The following CLIP1 variants were observed in gnomAD, a reference collection of about 807,000 sequenced individuals.
CLIP1 encodes CAP-Gly domain-containing linker protein 1.
In CLIP1, 66 loss-of-function variants were observed where a neutral mutation model predicts 161.6. The ratio of observed to expected loss-of-function variants is 0.41; its 90% CI spans 0.33 to 0.50. The LOEUF is 0.50. Among genes scored for constraint, CLIP1 ranks in the 20% least tolerant of loss-of-function variants. The probability of loss-of-function intolerance (pLI) is 0.27; values close to 1 mark genes in which losing one functional copy is unlikely to be tolerated. For synonymous variants in CLIP1, 598 were observed against 626.2 expected, an observed-to-expected ratio of 0.96 and a Z score of 0.67; for missense variants, 1,376 against 1,702.0, an observed-to-expected ratio of 0.81 and a Z score of 3.37.
intron 2 of CLIP1, among the ~76,000 whole-genome samples, chr12:122,379,066 A>C (rs1182120911): frequency 6.6e-5 from 10 of 152,052 alleles, no homozygotes; most frequent in Admixed American, 6.6e-4. Flanking sequence ...CAGAGGTTGC[A>C]GTGAGCCGAA....
Position 122,272,852 on chromosome 12 carries a change from C to G in CLIP1, c.*23G>C. The stretch of plus-strand genomic sequence containing the variant: ...TCAATGCGAGTGCGTCTGAGCAAGC[C>G]CAGTTCTCCACTGGAGGCTTCATCA... On this transcript the variant is annotated 3_prime_UTR_variant, in exon 26 of 26. Coordinates refer to ENST00000620786, the MANE Select transcript of CLIP1 (RefSeq NM_001247997.2). 6.2e-7 allele frequency: 1 copy of G among 1,608,290 alleles called. No individual in the cohort carries two copies. Among genetic ancestry groups the G allele is most frequent in the South Asian group, 1.1e-5 (1 of 90,920 alleles).
intron 5 of CLIP1, among the ~76,000 whole-genome samples, chr12:122,360,251 C>T (rs1389104539): frequency 2.0e-5 from 3 of 152,056 alleles, no homozygotes; most frequent in Non-Finnish European, 4.4e-5. Context: ...TCTCAAAACA[C>T]TTCACTTCCT....
chr12:122,345,211 A>G (rs1002258943), intron 10 of CLIP1, among the ~76,000 whole-genome samples: 18 of 147,738 alleles, frequency 1.2e-4, no homozygotes, highest in African/African-American at 4.0e-4. Flanking sequence ...GTCTTGCTCT[A>G]TTGCCCAGGC....
chr12:122,411,497 TTCA>T (rs1385445553), intron 1 of CLIP1, among the ~76,000 whole-genome samples: 2 of 152,172 alleles, frequency 1.3e-5, no homozygotes, highest in East Asian at 3.9e-4. Flanking sequence ...AATCCAAAGG[TTCA>T]TCAAGTGATG....
chr12:122,278,746 G>A (rs1247139386), intron 23 of CLIP1, 46 bp downstream of exon 23: 3 of 1,516,164 alleles, frequency 2.0e-6, no homozygotes, highest in Non-Finnish European at 2.6e-6. Context: ...GGGCTCCTCG[G>A]GAGGACGCGG....
chr12:122,412,650 G>A (rs541676535), intron 1 of CLIP1, among the ~76,000 whole-genome samples: 9 of 151,618 alleles, frequency 5.9e-5, no homozygotes, highest in Non-Finnish European at 1.2e-4. Flanking sequence ...GCGAGACTCC[G>A]TCTCTAAAAA....
Position 122,377,255 on chromosome 12 carries a change from G to A in CLIP1, c.657+134C>T, listed in dbSNP as rs375650450. On this transcript the variant is annotated intron_variant, in intron 3 of 25. Coordinates refer to ENST00000620786, the MANE Select transcript of CLIP1 (RefSeq NM_001247997.2). ...GAACTCCTGACCTCGTGATCCACCC[G>A]CCTCAGCCTCCCAAAGTGCTGGGAT... The A allele has an allele frequency of 1.1e-5, 8 of 738,350 alleles. No individual in the cohort carries two copies. The East Asian group carries it at 1.6e-4, about 15-fold the overall frequency. The allele number at this position is 738,350 out of a possible 1,614,324, so 45.7% of individuals were successfully genotyped here.
At chr12:122,282,663 TTG>T (rs10553034) in intron 21 of CLIP1, among the ~76,000 whole-genome samples, 19,455 of 151,930 alleles carry the variant, frequency 0.13, 3,681 homozygotes, top group African/African-American at 0.42. Flanking sequence ...ATGTGTGTGT[TTG>T]TGTGTGTATA....
intron 1 of CLIP1, among the ~76,000 whole-genome samples, chr12:122,421,410 ACAAAT>A (rs1336827947): frequency 2.0e-5 from 3 of 152,090 alleles, no homozygotes; most frequent in African/African-American, 7.2e-5. Context: ...CAGTAGTGAC[ACAAAT>A]CAAATAATAA....
intron 20 of CLIP1, among the ~76,000 whole-genome samples, chr12:122,308,684 G>A (rs774638538): frequency 2.0e-4 from 30 of 152,184 alleles, no homozygotes; most frequent in Non-Finnish European, 3.7e-4. Context: ...CAAGGACTGC[G>A]ATGACAGCTA....
At position 122,355,174 on chromosome 12, in the gene CLIP1, T is replaced by C. The variant is rs1593144384; in HGVS notation, c.1144A>G (p.Thr382Ala). The C allele has an allele frequency of 6.2e-7, 1 of 1,614,200 alleles. No individual in the cohort carries two copies. Among genetic ancestry groups the C allele is most frequent in the East Asian group, 2.2e-5 (1 of 44,884 alleles). Residue 382 changes from threonine to alanine, a missense_variant, in exon 6 of 26, where the codon ACG becomes GCG. Physicochemically the swap from Thr to Ala is moderately conservative, Grantham distance 58. Around this residue, in one of 6 missense-constraint regions of CLIP1, gnomAD observed 211 missense variants for 295.1 expected, o/e 0.72. Coordinates refer to ENST00000620786, the MANE Select transcript of CLIP1 (RefSeq NM_001247997.2). This position sits in a 1 kb window ranked among gnomAD's most constrained non-coding sequence, Gnocchi z 4.1. ...DLERAEVAKA[T>A]SHVGEIEQEL... ...TGCTCTATCTCCCCCACGTGGCTCGTGGCCTTGGCCACCTCCGCCCTCTCC... is the reference window on the plus strand; with the variant it reads ...TGCTCTATCTCCCCCACGTGGCTCGCGGCCTTGGCCACCTCCGCCCTCTCC...
At chr12:122,315,125 G>A (rs1951211779) in intron 19 of CLIP1, among the ~76,000 whole-genome samples, 2 of 152,150 alleles carry the variant, frequency 1.3e-5, no homozygotes, top group South Asian at 4.1e-4. Context: ...CCACACATGT[G>A]CTAGCTTAAT....
In CLIP1 at chr12:122,279,528, C is replaced by G. The variant is rs1955562215; in HGVS notation, c.3648-383G>C. On this transcript the variant is annotated intron_variant, in intron 21 of 25. Coordinates refer to ENST00000620786, the MANE Select transcript of CLIP1 (RefSeq NM_001247997.2). This position sits in a 1 kb window ranked among gnomAD's most constrained non-coding sequence, Gnocchi z 4.5. ...AATTCTTGAATAAATTATTACCAAG[C>G]AATAACGACAATTAAAATACACACA... The G allele has an allele frequency of 6.5e-6, 1 of 153,478 alleles. No individual in the cohort carries two copies. The highest frequency in any genetic ancestry group is 2.1e-4 in the South Asian group (1 of 4,860). 9.5% of individuals were successfully genotyped at this position (153,478 alleles called of 1,614,324 possible).
At chr12:122,322,592 T>G (rs1465836655) in intron 17 of CLIP1, 1 of 152,698 alleles carries the variant, frequency 6.5e-6, no homozygotes, top group African/African-American at 2.4e-5. Flanking sequence ...GCTCTTCTCT[T>G]GAAGTAGCAC....
intron 4 of CLIP1, among the ~76,000 whole-genome samples, chr12:122,362,710 T>A (rs1361785087): frequency 3.3e-3 from 27 of 8,154 alleles, no homozygotes; most frequent in South Asian, 7.1e-3. Flanking sequence ...AATAAAAATA[T>A]GATAAAAAAA....
At chr12:122,337,754 G>T (rs34965292) in intron 11 of CLIP1, among the ~76,000 whole-genome samples, 2 of 151,670 alleles carry the variant, frequency 1.3e-5, no homozygotes, top group Admixed American at 6.6e-5. Context: ...GGTGGCTCAC[G>T]CCTGTAATCC....
At chr12:122,327,338 G>C (rs2136723152) in intron 17 of CLIP1, among the ~76,000 whole-genome samples, 1 of 152,198 alleles carries the variant, frequency 6.6e-6, no homozygotes. Context: ...ACCATAAAAT[G>C]AAATCCAACA....
At chr12:122,357,905 C>T in intron 5 of CLIP1, among the ~76,000 whole-genome samples, 1 of 151,986 alleles carries the variant, frequency 6.6e-6, no homozygotes, top group African/African-American at 2.4e-5. Context: ...GTGAGGAGCC[C>T]CTCTGCCCGG....
chr12:122,292,980 G>A (rs1376334391), intron 20 of CLIP1, among the ~76,000 whole-genome samples: 1 of 123,830 alleles, frequency 8.1e-6, no homozygotes, highest in Non-Finnish European at 1.5e-5. Flanking sequence ...TCCAGCCTGG[G>A]CAAAAGAGCA....
Sources: allele counts gnomAD v4.1 joint callset (sites outside exome capture counted in the v4.1 genomes callset), GRCh38; gene constraint gnomAD v4.1.1; regional missense constraint gnomAD v4.1.1; non-coding constraint Gnocchi (gnomAD v3.1); transcripts MANE v1.5; gene names NCBI Gene and HGNC (gene_info 2026-07-23, HGNC 2026-07-21).